Variants in ST6GAL2 observed in about 807,000 individuals in gnomAD.
ST6GAL2 encodes beta-galactoside alpha-2,6-sialyltransferase 2.
Under a neutral mutation model 37.5 loss-of-function variants are expected in ST6GAL2, and 24 were observed. The observed-to-expected ratio is 0.64, with a 90% CI of 0.46 to 0.90. ST6GAL2 has a LOEUF of 0.90. Ranked by LOEUF, ST6GAL2 falls within the 40% of genes least tolerant of loss-of-function variation. ST6GAL2 has a pLI of 0.00. For missense variants in ST6GAL2, 715 were observed against 712.7 expected (o/e 1.00, Z -0.04); for synonymous variants, 306 against 295.1 (o/e 1.04, Z -0.38).
chr2:106,817,761 C>T (rs769505842), intron 5 of ST6GAL2, among the ~76,000 whole-genome samples: 35 of 152,222 alleles, frequency 2.3e-4, no homozygotes, highest in Non-Finnish European at 4.6e-4. Context: ...GAGCACCAAG[C>T]AGGCTCCTGG....
chr2:106,821,090 G>A (rs1159530116), intron 5 of ST6GAL2, among the ~76,000 whole-genome samples: 1 of 151,668 alleles, frequency 6.6e-6, no homozygotes, highest in Non-Finnish European at 1.5e-5. Context: ...TCTTTAAAAA[G>A]CAGAAAAGCA....
chr2:106,822,843 T>C (rs942212634), intron 5 of ST6GAL2: 1 of 152,192 alleles, frequency 6.6e-6, no homozygotes, highest in Non-Finnish European at 1.5e-5. Flanking sequence ...CTTATTAATA[T>C]TGAAGTAAGC....
At chr2:106,829,347 A>T (rs1171777516) in intron 5 of ST6GAL2, among the ~76,000 whole-genome samples, 1 of 152,164 alleles carries the variant, frequency 6.6e-6, no homozygotes, top group Non-Finnish European at 1.5e-5. Flanking sequence ...CAAATTCTTG[A>T]TTTTCTGTGT....
At chr2:106,819,594 T>A (rs1348352825) in intron 5 of ST6GAL2, among the ~76,000 whole-genome samples, 1 of 151,828 alleles carries the variant, frequency 6.6e-6, no homozygotes, top group East Asian at 1.9e-4. Context: ...ACTAGATATA[T>A]CCAACAAGAA....
chr2:106,816,865 C>T (rs990096829), intron 5 of ST6GAL2, among the ~76,000 whole-genome samples: 1 of 152,144 alleles, frequency 6.6e-6, no homozygotes, highest in Admixed American at 6.5e-5. Flanking sequence ...CAACACCGTG[C>T]CTCCTCCATC....
chr2:106,834,826 C>G (rs1676569085), intron 2 of ST6GAL2: 1 of 152,362 alleles, frequency 6.6e-6, no homozygotes. Flanking sequence ...CCACCAGCTG[C>G]CAGGGCTCTT....
intron 1 of ST6GAL2, among the ~76,000 whole-genome samples, chr2:106,883,808 A>G (rs1440813120): frequency 6.6e-6 from 1 of 152,242 alleles, no homozygotes; most frequent in Admixed American, 6.5e-5. Flanking sequence ...ATGCATTAAC[A>G]AAGACTGTCC....
chr2:106,885,036 A>T (rs1164763014), intron 1 of ST6GAL2, among the ~76,000 whole-genome samples: 1 of 151,018 alleles, frequency 6.6e-6, no homozygotes, highest in Non-Finnish European at 1.5e-5. Context: ...GTCATAAATT[A>T]TATTTCAAGT....
In ST6GAL2 at chr2:106,843,075, A is replaced by G; in HGVS notation, c.903T>C (p.Ser301=). 2.0e-6 allele frequency: 3 copies of G among 1,489,952 alleles called. No homozygotes were observed. The highest frequency in any genetic ancestry group is 2.5e-5 in the East Asian group (1 of 40,336). 92.3% of individuals were successfully genotyped at this position (1,489,952 alleles called of 1,614,324 possible). ...AGGAAGAGTTGAGGATTGCGCCTGC[A>G]GACATGACGACAGCGCAGCTGCGCA... ...RGLRSCAVVM[S]AGAILNSSLG... is the part of the protein sequence containing the mutation. Residue 301 remains serine, a synonymous_variant, in exon 2 of 6, where the codon TCT becomes TCC. Coordinates refer to ENST00000409382, the MANE Select transcript of ST6GAL2 (RefSeq NM_001142351.2).
At chr2:106,846,228 ATTG>A (rs1677139642) in intron 1 of ST6GAL2, among the ~76,000 whole-genome samples, 1 of 152,214 alleles carries the variant, frequency 6.6e-6, no homozygotes, top group African/African-American at 2.4e-5. Flanking sequence ...ATAATGATAG[ATTG>A]TTGTTCTAAA....
chr2:106,878,129 G>A (rs1678584803), intron 1 of ST6GAL2, among the ~76,000 whole-genome samples: 1 of 152,168 alleles, frequency 6.6e-6, no homozygotes, highest in Non-Finnish European at 1.5e-5. Context: ...AAAACATTTG[G>A]AAAAACAAAT....
At chr2:106,810,976 AAC>A (rs1675587340) in intron 5 of ST6GAL2, among the ~76,000 whole-genome samples, 1 of 152,134 alleles carries the variant, frequency 6.6e-6, no homozygotes, top group Non-Finnish European at 1.5e-5. Flanking sequence ...TAAATAATAA[AAC>A]TAGTAATAAT....
rs1197359205 is a variant in ST6GAL2 at position 106,843,263 on chromosome 2, G to A, written c.715C>T (p.Arg239Cys). Residue 239 changes from arginine to cysteine, a missense_variant, in exon 2 of 6, where the codon CGC (arginine) becomes TGC (cysteine). Arg to Cys is a radical substitution (Grantham distance 180). Around this residue, in one of 3 missense-constraint regions of ST6GAL2, gnomAD observed 512 missense variants for 488.8 expected, o/e 1.05. Coordinates refer to ENST00000409382, the MANE Select transcript of ST6GAL2 (RefSeq NM_001142351.2). The part of the protein sequence containing the change: ...LTANKHGVRF[R>C]GKREAGLSRA... ...CTCAGCCCGGCCTCCCGCTTCCCGC[G>A]GAAGCGCACCCCGTGCTTGTTGGCG... The A allele has an allele frequency of 6.2e-7, 1 of 1,602,696 alleles. No homozygotes were observed.
intron 1 of ST6GAL2, among the ~76,000 whole-genome samples, chr2:106,846,575 T>G (rs191585240): frequency 1.3e-5 from 2 of 152,330 alleles, no homozygotes; most frequent in Admixed American, 6.5e-5. Flanking sequence ...AACTGCAACA[T>G]TTTCAGATAA....
At chr2:106,831,752 A>G (rs1676434468) in intron 4 of ST6GAL2, among the ~76,000 whole-genome samples, 1 of 152,138 alleles carries the variant, frequency 6.6e-6, no homozygotes, top group African/African-American at 2.4e-5. Flanking sequence ...AGCCGCTTTT[A>G]TCTTGGGAGG....
chr2:106,815,457 C>T (rs751969818), intron 5 of ST6GAL2, among the ~76,000 whole-genome samples: 2 of 152,126 alleles, frequency 1.3e-5, no homozygotes, highest in Admixed American at 6.6e-5. Context: ...TTATGATACA[C>T]CTGTTTGATG....
intron 1 of ST6GAL2, among the ~76,000 whole-genome samples, chr2:106,871,805 C>A (rs1678282130): frequency 6.6e-6 from 1 of 152,196 alleles, no homozygotes; most frequent in African/African-American, 2.4e-5. Flanking sequence ...CTTCTGGAAT[C>A]CTCCTGAAGG....
chr2:106,867,176 C>T (rs531910867), intron 1 of ST6GAL2, among the ~76,000 whole-genome samples: 27 of 152,102 alleles, frequency 1.8e-4, no homozygotes, highest in Non-Finnish European at 2.5e-4. Flanking sequence ...ATTCTAATTT[C>T]GCACAGGGTC....
intron 1 of ST6GAL2, among the ~76,000 whole-genome samples, chr2:106,867,093 G>A (rs1386360953): frequency 6.6e-6 from 1 of 152,176 alleles, no homozygotes; most frequent in Non-Finnish European, 1.5e-5. Context: ...GCAGTGGGAA[G>A]GAAAGGGCAA....
Sources: gnomAD v4.1 joint callset for allele counts (sites outside exome capture counted in the v4.1 genomes callset) on GRCh38, gnomAD v4.1.1 for gene constraint, gnomAD v4.1.1 regional missense constraint, MANE v1.5 for transcripts, NCBI Gene and HGNC (gene_info 2026-07-23, HGNC 2026-07-21) for gene names.